TBX15: variants seen among roughly 807,000 people sequenced by gnomAD.
TBX15 encodes the protein T-box transcription factor TBX15.
A neutral mutation model predicts 53.9 loss-of-function variants in TBX15; 18 were observed. The ratio of observed to expected loss-of-function variants is 0.33; its 90% CI spans 0.23 to 0.49. The LOEUF is 0.49. Ranked by LOEUF, TBX15 falls within the 20% of genes least tolerant of loss-of-function variation. TBX15 has a pLI of 0.98. For missense variants in TBX15, 692 were observed against 749.5 expected (o/e 0.92, Z 0.90); for synonymous variants, 295 against 278.0 (o/e 1.06, Z -0.61).
At chr1:118,977,942 C>T (rs1571219129) in intron 1 of TBX15, among the ~76,000 whole-genome samples, 1 of 152,188 alleles carries the variant, frequency 6.6e-6, no homozygotes, top group East Asian at 1.9e-4. Context: ...ATTAGCCCAC[C>T]AATTCAACTC....
At position 118,979,976 on chromosome 1, in the gene TBX15, C is replaced by G. The variant is rs909030994; in HGVS notation, c.205+7615G>C. On this transcript the variant is annotated intron_variant, in intron 1 of 7. Transcript: ENST00000369429. ...CCCCGCGGCGCCTCCAAGGCCGGGC[C>G]GAGGGGCCGAGGGGCCGAGGGCGGG... Among the ~76,000 whole-genome samples, 3 of 152,252 alleles carry G rather than the reference C, an allele frequency of 2.0e-5. No homozygotes were observed. In the South Asian group the frequency reaches 6.2e-4, roughly 32 times the overall value.
In TBX15 at chr1:118,955,582, T is replaced by C. The variant is rs572994531; in HGVS notation, c.206-23750A>G. 6.6e-5 allele frequency among the ~76,000 whole-genome samples: 10 copies of C among 152,280 alleles called. No homozygotes were observed. In the South Asian group the frequency reaches 2.1e-3, roughly 32 times the overall value. The stretch of plus-strand genomic sequence containing the variant: ...AGAAGAAAACCTTGGTCTGCTTTTC[T>C]GCGAGTCAAGACATTTTCCGCTAGA... On this transcript the variant is annotated intron_variant, in intron 1 of 7. Transcript: ENST00000369429.
At chr1:118,970,566 A>G (rs1657204344) in intron 1 of TBX15, among the ~76,000 whole-genome samples, 1 of 152,234 alleles carries the variant, frequency 6.6e-6, no homozygotes, top group South Asian at 2.1e-4. Context: ...TAAAAGAAGA[A>G]AGGAAATAGC....
intron 1 of TBX15, among the ~76,000 whole-genome samples, chr1:118,965,341 A>G (rs1414746978): frequency 6.6e-6 from 1 of 152,240 alleles, no homozygotes; most frequent in Middle Eastern, 3.2e-3. Context: ...TGGAGGGAGA[A>G]CAGAAGAGAA....
intron 1 of TBX15, among the ~76,000 whole-genome samples, chr1:118,987,170 C>G (rs752357151): frequency 7.2e-5 from 11 of 152,174 alleles, no homozygotes; most frequent in Non-Finnish European, 1.3e-4. Flanking sequence ...GGTCATTCCC[C>G]GAAGACTGAG....
intron 6 of TBX15, among the ~76,000 whole-genome samples, chr1:118,904,013 G>A (rs1036150864): frequency 6.6e-6 from 1 of 152,144 alleles, no homozygotes; most frequent in African/African-American, 2.4e-5. Flanking sequence ...GTCAGTAAAA[G>A]TTTTTCTAGT....
chr1:118,899,070 T>C lies in TBX15; in HGVS notation c.982A>G (p.Thr328Ala), dbSNP rs956095785. The C allele has an allele frequency of 6.2e-7, 1 of 1,613,598 alleles. No individual in the cohort carries two copies. The highest frequency in any genetic ancestry group is 8.5e-7 in the Non-Finnish European group (1 of 1,179,756). ...TYAFWRPPVR[T>A]LTFEDFTTMQ... ...GTGGTGAAGTCTTCGAAGGTGAGTG[T>C]GCGCACAGGAGGTCTCCAGAATGCA... is the stretch of plus-strand genomic sequence containing the variant. The change falls in exon 7 of 8, where the codon ACA becomes GCA. Residue 328 changes from threonine (T) to alanine (A), a missense_variant. This residue lies in a region of TBX15 where 375 missense variants were observed against 371.6 expected (regional missense o/e 1.01). Transcript: ENST00000369429.
chr1:118,920,064 G>T (rs997649079), intron 5 of TBX15, among the ~76,000 whole-genome samples: 1 of 152,170 alleles, frequency 6.6e-6, no homozygotes, highest in Admixed American at 6.5e-5. Flanking sequence ...TACTAAGGTA[G>T]AGTGATTTGT....
chr1:118,927,298 C>T (rs1198437716), intron 2 of TBX15, among the ~76,000 whole-genome samples: 3 of 152,178 alleles, frequency 2.0e-5, no homozygotes, highest in African/African-American at 4.8e-5. Context: ...GCCATGCATA[C>T]ATTTCCTATT....
chr1:118,905,669 A>T (rs2101534152), intron 6 of TBX15, among the ~76,000 whole-genome samples: 1 of 152,352 alleles, frequency 6.6e-6, no homozygotes, highest in Admixed American at 6.5e-5. Context: ...CATGCCAGGG[A>T]TAACAAAAGG....
intron 1 of TBX15, among the ~76,000 whole-genome samples, chr1:118,972,419 T>G (rs1657260740): frequency 6.6e-6 from 1 of 152,172 alleles, no homozygotes; most frequent in African/African-American, 2.4e-5. Flanking sequence ...TTAGAAAGAA[T>G]TTTATGGGAA....
chr1:118,967,733 A>G (rs1162970151), intron 1 of TBX15, among the ~76,000 whole-genome samples: 3 of 152,382 alleles, frequency 2.0e-5, no homozygotes, highest in East Asian at 1.9e-4. Context: ...AATGTTGAGC[A>G]TAGCTCCCAG....
chr1:118,911,133 G>T (rs1655013438), intron 6 of TBX15, among the ~76,000 whole-genome samples: 1 of 152,178 alleles, frequency 6.6e-6, no homozygotes, highest in Non-Finnish European at 1.5e-5. Flanking sequence ...GGCAGAGTCG[G>T]TTTTAATACC....
intron 1 of TBX15, among the ~76,000 whole-genome samples, chr1:118,986,190 T>C (rs1313696361): frequency 3.3e-5 from 5 of 152,056 alleles, no homozygotes; most frequent in Non-Finnish European, 5.9e-5. Context: ...ATTTTGACAA[T>C]AGATAAATGA....
At chr1:118,938,105 C>T (rs180790836) in intron 1 of TBX15, among the ~76,000 whole-genome samples, 23 of 152,202 alleles carry the variant, frequency 1.5e-4, no homozygotes, top group South Asian at 6.2e-4. Flanking sequence ...GACCTGAGTA[C>T]GAACTGAGCC....
At chr1:118,970,995 T>A (rs1268175623) in intron 1 of TBX15, among the ~76,000 whole-genome samples, 1 of 152,206 alleles carries the variant, frequency 6.6e-6, no homozygotes, top group African/African-American at 2.4e-5. Flanking sequence ...ACTTAGAAAC[T>A]TTTTTGCACT....
At position 118,893,309 on chromosome 1, in the gene TBX15, G is replaced by A. The variant is rs868848659; in HGVS notation, c.1024+5719C>T. ...AGGAAGGAAGGAAGGAAGGAAGGAAGGAAGGAAAGAAAGAAAGAAGAAAGA... is the reference window on the plus strand; with the variant it reads ...AGGAAGGAAGGAAGGAAGGAAGGAAAGAAGGAAAGAAAGAAAGAAGAAAGA... On this transcript the variant is annotated intron_variant, in intron 7 of 7. Coordinates refer to ENST00000369429, the MANE Select transcript of TBX15 (RefSeq NM_001330677.2). Among the ~76,000 whole-genome samples the A allele has an allele frequency of 6.4e-3, 666 of 104,516 alleles. 8 individuals are homozygous for A. Among genetic ancestry groups the A allele is most frequent in the East Asian group, 0.022 (61 of 2,752 alleles). 68.6% of individuals were successfully genotyped at this position (104,516 alleles called of 152,430 possible).
At chr1:118,920,733 A>G (rs780629401) in intron 5 of TBX15, among the ~76,000 whole-genome samples, 15 of 152,162 alleles carry the variant, frequency 9.9e-5, no homozygotes, top group Non-Finnish European at 1.0e-4. Context: ...CTATCATAAG[A>G]ACCCAAGGTT....
intron 1 of TBX15, among the ~76,000 whole-genome samples, chr1:118,951,632 C>T (rs115863587): frequency 0.012 from 1,816 of 151,738 alleles, 16 homozygotes; most frequent in Non-Finnish European, 0.017. Context: ...TTGCCTCATG[C>T]CCTCAGTTGC....
Sources: gnomAD v4.1 joint callset for allele counts (sites outside exome capture counted in the v4.1 genomes callset) on GRCh38, gnomAD v4.1.1 for gene constraint, gnomAD v4.1.1 regional missense constraint, MANE v1.5 for transcripts, NCBI Gene and HGNC (gene_info 2026-07-23, HGNC 2026-07-21) for gene names.